Variants in COXFA4 observed in about 807,000 individuals in gnomAD.
COXFA4 encodes the protein cytochrome c oxidase subunit FA4.
the COXFA4 span, among the ~76,000 whole-genome samples, chr7:10,935,966 C>CGGA: frequency 6.6e-6 from 1 of 152,068 alleles, no homozygotes; most frequent in Non-Finnish European, 1.5e-5. Context: ...AGCAAAAGAA[C>CGGA]GGAGGGACCA....
the COXFA4 span, chr7:10,940,131 G>A: frequency 1.4e-6 from 2 of 1,438,052 alleles, no homozygotes; most frequent in South Asian, 1.1e-5. Flanking sequence ...AAAATTATCT[G>A]CAATGAGACA....
At chr7:10,936,999 G>A in the COXFA4 span, among the ~76,000 whole-genome samples, 1 of 152,070 alleles carries the variant, frequency 6.6e-6, no homozygotes, top group Non-Finnish European at 1.5e-5. Flanking sequence ...TAATGGCACT[G>A]CACTCCAGCC....
the COXFA4 span, chr7:10,932,649 T>TTATGAATATACTTCCTGGCC: frequency 1.3e-5 from 2 of 152,184 alleles, no homozygotes; most frequent in Non-Finnish European, 1.5e-5. Context: ...CATCTTAAAA[T>TTATGAATATACTTCCTGGCC]TATGAATATA....
the COXFA4 span, chr7:10,938,846 C>T: frequency 1.2e-6 from 2 of 1,613,772 alleles, no homozygotes; most frequent in Non-Finnish European, 1.7e-6. Flanking sequence ...GCAAGAGATA[C>T]AGTGTTGCTC....
At chr7:10,938,416 C>A in the COXFA4 span, 1 of 477,642 alleles carries the variant, frequency 2.1e-6, no homozygotes, top group East Asian at 3.5e-5. Flanking sequence ...AAGTGATATA[C>A]AGAAAAGTGC....
At chr7:10,938,208 TA>T in the COXFA4 span, 1 of 1,420,470 alleles carries the variant, frequency 7.0e-7, no homozygotes, top group Non-Finnish European at 9.9e-7. Context: ...TGTTTTGTAC[TA>T]AGAATACATT....
At chr7:10,938,147 A>G in the COXFA4 span, 1 of 1,611,546 alleles carries the variant, frequency 6.2e-7, no homozygotes, top group Non-Finnish European at 8.5e-7. Flanking sequence ...TTCTGTCCCA[A>G]CTAAAAGAAA....
the COXFA4 span, chr7:10,939,827 C>A: frequency 2.1e-5 from 15 of 725,920 alleles, no homozygotes; most frequent in Non-Finnish European, 3.4e-5. Context: ...CAGACAAAAC[C>A]CCACAATGCA....
chr7:10,933,539 T>G, the COXFA4 span: 1 of 886,538 alleles, frequency 1.1e-6, no homozygotes, highest in Non-Finnish European at 1.9e-6. Context: ...TTTCATGCAT[T>G]TAGAGGAGAA....
chr7:10,938,756 C>G, the COXFA4 span: 2 of 1,354,490 alleles, frequency 1.5e-6, no homozygotes, highest in East Asian at 2.3e-5. Context: ...GACTGTGGCT[C>G]CTAAACTGCC....
chr7:10,938,059 C>G, the COXFA4 span: 15 of 1,594,994 alleles, frequency 9.4e-6, no homozygotes, highest in Non-Finnish European at 1.2e-5. Flanking sequence ...AACACAATTT[C>G]TAACAACTTT....
At chr7:10,933,815 T>C in the COXFA4 span, 1 of 704,398 alleles carries the variant, frequency 1.4e-6, no homozygotes, top group East Asian at 2.7e-5. Context: ...TTTAAAAGAA[T>C]ATTTAACAAC....
At chr7:10,938,742 CAG>C in the COXFA4 span, 2 of 1,141,682 alleles carry the variant, frequency 1.8e-6, no homozygotes, top group Non-Finnish European at 2.7e-6. Context: ...TATCGCCCTA[CAG>C]AGACTGTGGC....
At chr7:10,938,173 G>A in the COXFA4 span, 1 of 1,593,424 alleles carries the variant, frequency 6.3e-7, no homozygotes, top group East Asian at 2.2e-5. Context: ...CATTACGACT[G>A]TTATAATAAT....
chr7:10,938,952 C>A, the COXFA4 span: 3 of 1,299,164 alleles, frequency 2.3e-6, no homozygotes, highest in African/African-American at 1.5e-5. Context: ...CACTGGCCAA[C>A]GAGAGATTAC....
At chr7:10,939,936 C>T in the COXFA4 span, 2 of 1,500,096 alleles carry the variant, frequency 1.3e-6, no homozygotes, top group Admixed American at 1.7e-5. Flanking sequence ...TAAATGAGGA[C>T]GTTCCCAGGG....
the COXFA4 span, chr7:10,938,660 G>A: frequency 1.6e-6 from 1 of 629,806 alleles, no homozygotes; most frequent in African/African-American, 1.8e-5. Flanking sequence ...AAAAGTAAAT[G>A]AAAACAGCAG....
chr7:10,938,957 G>A, the COXFA4 span: 2 of 1,247,938 alleles, frequency 1.6e-6, no homozygotes, highest in Admixed American at 3.4e-5. Context: ...GCCAACGAGA[G>A]ATTACAGTAG....
At chr7:10,938,897 C>G in the COXFA4 span, 1 of 1,608,614 alleles carries the variant, frequency 6.2e-7, no homozygotes, top group Non-Finnish European at 8.5e-7. Context: ...GGGGGATCAA[C>G]TAAACCAAAC....
Sources: allele counts gnomAD v4.1 joint callset (sites outside exome capture counted in the v4.1 genomes callset), GRCh38; gene constraint gnomAD v4.1.1; transcripts MANE v1.5; gene names NCBI Gene and HGNC (gene_info 2026-07-23, HGNC 2026-07-21).